Variants in NPAS3 observed in about 807,000 individuals in gnomAD.
NPAS3 encodes neuronal PAS domain protein 3.
A neutral mutation model predicts 73.1 loss-of-function variants in NPAS3; 14 were observed. The observed-to-expected ratio is 0.19, with a 90% confidence interval of 0.13 to 0.30. The LOEUF (loss-of-function observed/expected upper bound fraction) is 0.30. Among genes scored for constraint, NPAS3 ranks in the 10% least tolerant of loss-of-function variants. The pLI is 1.00. For synonymous variants in NPAS3, 620 were observed against 541.5 expected (o/e 1.14, Z -2.01); for missense variants, 1,096 against 1,250.0 (o/e 0.88, Z 1.86).
chr14:32,968,915 A>G (rs2037305543), intron 1 of NPAS3, among the ~76,000 whole-genome samples: 1 of 151,982 alleles, frequency 6.6e-6, no homozygotes, highest in South Asian at 2.1e-4. Flanking sequence ...TCCACTAGCT[A>G]TTCTTCCTGA....
At chr14:33,638,214 G>C (rs1308280131) in intron 5 of NPAS3, among the ~76,000 whole-genome samples, 1 of 152,040 alleles carries the variant, frequency 6.6e-6, no homozygotes, top group Admixed American at 6.6e-5. Flanking sequence ...CTTATTTTAG[G>C]TTTTTGGTGT....
intron 2 of NPAS3, among the ~76,000 whole-genome samples, chr14:33,177,944 A>G (rs1338148575): frequency 2.0e-5 from 3 of 152,154 alleles, no homozygotes; most frequent in Admixed American, 2.0e-4. Flanking sequence ...CAACTCCTTC[A>G]AATGTGTTCT....
chr14:33,025,062 G>A (rs916450794), intron 1 of NPAS3, among the ~76,000 whole-genome samples: 14 of 152,294 alleles, frequency 9.2e-5, no homozygotes, highest in South Asian at 2.1e-4. Flanking sequence ...TAAAAGTAAC[G>A]TATGTGTCTT....
intron 5 of NPAS3, among the ~76,000 whole-genome samples, chr14:33,592,926 T>TGAA (rs2057118629): frequency 6.6e-6 from 1 of 152,180 alleles, no homozygotes; most frequent in South Asian, 2.1e-4. Flanking sequence ...CACTCAGTGC[T>TGAA]GTGAAAATTT....
chr14:33,382,006 C>A (rs918256072), intron 4 of NPAS3, among the ~76,000 whole-genome samples: 3 of 152,096 alleles, frequency 2.0e-5, no homozygotes, highest in African/African-American at 7.2e-5. Flanking sequence ...AGGGGAAAAT[C>A]ATTTGGGGCC....
At position 32,979,417 on chromosome 14, in the gene NPAS3, T is replaced by C. The variant is rs138444205; in HGVS notation, c.50+40051T>C. Among the ~76,000 whole-genome samples, 112 of 152,296 alleles carry C rather than the reference T, an allele frequency of 7.4e-4. 1 individual carries two copies. Among genetic ancestry groups the C allele is most frequent in the African/African-American group, 2.6e-3 (108 of 41,574 alleles). On this transcript the variant is annotated intron_variant, in intron 1 of 11. Coordinates refer to ENST00000356141, the Ensembl canonical transcript of NPAS3. ...TTAGACACACTATCTCATTTAATAA[T>C]TGGAAAAAATCCTTTGTGGTAGGTA...
chr14:33,577,632 C>T (rs768107676), intron 5 of NPAS3, among the ~76,000 whole-genome samples: 27 of 152,176 alleles, frequency 1.8e-4, no homozygotes, highest in Non-Finnish European at 3.2e-4. Flanking sequence ...CAGAGGCCGT[C>T]ATCCAGTACT....
rs149482922 is a variant in NPAS3, at chr14:33,698,772, T to C, written c.733+22387T>C. Among the ~76,000 whole-genome samples, 927 of 152,330 alleles carry C rather than the reference T, an allele frequency of 6.1e-3. 6 individuals carry two copies. The highest frequency in any genetic ancestry group is 0.021 in the African/African-American group (880 of 41,582). On this transcript the variant is annotated intron_variant, in intron 6 of 11. Transcript: ENST00000356141. The stretch of plus-strand genomic sequence containing the variant: ...CAAAGAATATTTATAAGAATCTCCA[T>C]TGTAATTTTCAATTGAATTGATCTA...
intron 2 of NPAS3, among the ~76,000 whole-genome samples, chr14:33,092,342 C>T (rs1381966236): frequency 6.6e-6 from 1 of 152,102 alleles, no homozygotes; most frequent in African/African-American, 2.4e-5. Flanking sequence ...AACAGAGAGG[C>T]AAATCATGAG....
intron 5 of NPAS3, among the ~76,000 whole-genome samples, chr14:33,622,896 C>T (rs745995692): frequency 6.6e-6 from 1 of 152,102 alleles, no homozygotes; most frequent in Non-Finnish European, 1.5e-5. Flanking sequence ...CAATACCATG[C>T]TAGGTATGTT....
intron 1 of NPAS3, among the ~76,000 whole-genome samples, chr14:33,017,117 G>T (rs1162272257): frequency 6.6e-6 from 1 of 152,054 alleles, no homozygotes; most frequent in Non-Finnish European, 1.5e-5. Flanking sequence ...TTTTCAGCTG[G>T]GACTTTGGAA....
chr14:33,547,679 A>G (rs1047160977), intron 4 of NPAS3, among the ~76,000 whole-genome samples: 1 of 152,228 alleles, frequency 6.6e-6, no homozygotes, highest in Non-Finnish European at 1.5e-5. Context: ...AAAGGGAACT[A>G]AAATAAGAAC....
chr14:33,711,532 A>G (rs2060818785), intron 6 of NPAS3, among the ~76,000 whole-genome samples: 1 of 152,230 alleles, frequency 6.6e-6, no homozygotes, highest in African/African-American at 2.4e-5. Flanking sequence ...ATAACTTCAA[A>G]GAATCTTTTG....
intron 7 of NPAS3, among the ~76,000 whole-genome samples, chr14:33,769,751 T>TTTTTTA (rs1555330667): frequency 8.6e-6 from 1 of 115,762 alleles, no homozygotes; most frequent in African/African-American, 3.6e-5. Context: ...TTGGATTTTT[T>TTTTTTA]TTTTCTTTTT....
At chr14:33,376,374 T>C (rs2046313413) in intron 4 of NPAS3, among the ~76,000 whole-genome samples, 4 of 152,246 alleles carry the variant, frequency 2.6e-5, no homozygotes, top group African/African-American at 9.6e-5. Context: ...TTTGTCACAA[T>C]CTGAAAAAAT....
intron 4 of NPAS3, among the ~76,000 whole-genome samples, chr14:33,512,636 T>G (rs1303762896): frequency 6.6e-6 from 1 of 152,084 alleles, no homozygotes; most frequent in Non-Finnish European, 1.5e-5. Flanking sequence ...CATTCTGGTG[T>G]GCCTCTGTGT....
chr14:33,059,654 T>C (rs568741907), intron 2 of NPAS3, among the ~76,000 whole-genome samples: 1 of 152,224 alleles, frequency 6.6e-6, no homozygotes, highest in Non-Finnish European at 1.5e-5. Context: ...AACACATCTG[T>C]AAAGTAGTGG....
chr14:33,744,530 G>A (rs2061737848), intron 7 of NPAS3, among the ~76,000 whole-genome samples: 1 of 151,928 alleles, frequency 6.6e-6, no homozygotes, highest in South Asian at 2.1e-4. Flanking sequence ...GCTCACACCT[G>A]TAATCCCGGC....
intron 2 of NPAS3, among the ~76,000 whole-genome samples, chr14:33,129,910 CA>C (rs375507048): frequency 4.8e-4 from 73 of 152,174 alleles, no homozygotes; most frequent in African/African-American, 1.6e-3. Flanking sequence ...GAACTGAGAT[CA>C]ATATATTTTA....
Sources: gnomAD v4.1 joint callset for allele counts (sites outside exome capture counted in the v4.1 genomes callset) on GRCh38, gnomAD v4.1.1 for gene constraint, MANE v1.5 for transcripts, NCBI Gene and HGNC (gene_info 2026-07-23, HGNC 2026-07-21) for gene names.